USP7: variants seen among roughly 807,000 people sequenced by gnomAD.
The protein encoded by USP7 is ubiquitin specific peptidase 7, also known as ubiquitin C-terminal hydrolase 7.
Under a neutral mutation model 162.9 loss-of-function variants are expected in USP7, and 9 were observed. The observed-to-expected ratio is 0.06, with a 90% CI of 0.03 to 0.10. The LOEUF is 0.10. Among genes scored for constraint, USP7 ranks in the 10% least tolerant of loss-of-function variants. The pLI, the probability that USP7 is intolerant of heterozygous loss-of-function variation, is 1.00. For missense variants in USP7, 715 were observed against 1,373.7 expected, an observed-to-expected ratio of 0.52 and a Z score of 7.58; for synonymous variants, 562 against 475.9, an observed-to-expected ratio of 1.18 and a Z score of -2.35.
chr16:8,905,321 A>T lies in USP7; in HGVS notation c.1439T>A (p.Phe480Tyr). ...ACACCTTGACACCACGTCGTCATCAAATTTACACCACTGCAAGGAAAACAA... is the reference window on the plus strand; with the variant it reads ...ACACCTTGACACCACGTCGTCATCATATTTACACCACTGCAAGGAAAACAA... The part of the protein sequence containing the change: ...NPKGDGKWCK[F>Y]DDDVVSRCTK... Residue 480 changes from phenylalanine to tyrosine, a missense_variant, in exon 14 of 31, where the codon TTT (phenylalanine) becomes TAT (tyrosine). Physicochemically the swap from Phe to Tyr is conservative, Grantham distance 22. This residue lies in a region of USP7 where 31 missense variants were observed against 135.9 expected (regional missense o/e 0.23). Transcript: ENST00000344836. 6.2e-7 allele frequency: 1 copy of T among 1,614,082 alleles called. No homozygotes were observed. Among genetic ancestry groups the T allele is most frequent in the South Asian group, 1.1e-5 (1 of 91,084 alleles).
chr16:8,931,488 T>C (rs1481860145), intron 1 of USP7, among the ~76,000 whole-genome samples: 1 of 152,200 alleles, frequency 6.6e-6, no homozygotes, highest in Non-Finnish European at 1.5e-5. Context: ...TCTTAAAACA[T>C]CAAATCATCA....
chr16:8,910,902 T>C (rs1453795297), intron 10 of USP7, 75 bp from the exon 11 acceptor site: 1 of 1,210,708 alleles, frequency 8.3e-7, no homozygotes, highest in Non-Finnish European at 1.2e-6. Context: ...GTAAGTTATT[T>C]AAATCAGCAT....
chr16:8,937,948 T>C (rs1330553227), intron 1 of USP7, among the ~76,000 whole-genome samples: 1 of 152,138 alleles, frequency 6.6e-6, no homozygotes, highest in African/African-American at 2.4e-5. Flanking sequence ...TACCATCTGC[T>C]TAAGTATTTC....
intron 1 of USP7, among the ~76,000 whole-genome samples, chr16:8,934,080 C>T (rs1898540070): frequency 6.6e-6 from 1 of 152,132 alleles, no homozygotes; most frequent in Non-Finnish European, 1.5e-5. Flanking sequence ...AAGTAATTTG[C>T]TAGACGTACA....
At chr16:8,937,450 G>A (rs892936259) in intron 1 of USP7, among the ~76,000 whole-genome samples, 26 of 152,346 alleles carry the variant, frequency 1.7e-4, no homozygotes, top group Middle Eastern at 3.4e-3. Context: ...GCTGAGGCAG[G>A]AGAATCACTT....
intron 1 of USP7, among the ~76,000 whole-genome samples, chr16:8,935,432 A>C (rs566291796): frequency 2.0e-5 from 3 of 152,264 alleles, no homozygotes; most frequent in Admixed American, 2.0e-4. Flanking sequence ...GCTGGTCTCG[A>C]ACTCCTGACC....
At chr16:8,932,452 A>C (rs999491335) in intron 1 of USP7, among the ~76,000 whole-genome samples, 4 of 152,146 alleles carry the variant, frequency 2.6e-5, no homozygotes, top group Non-Finnish European at 5.9e-5. Context: ...ACATACTTCT[A>C]AACTAGTCCC....
At chr16:8,960,105 C>T (rs1475188961) in intron 1 of USP7, among the ~76,000 whole-genome samples, 1 of 152,238 alleles carries the variant, frequency 6.6e-6, no homozygotes, top group African/African-American at 2.4e-5. Context: ...ACTCCTTCAG[C>T]CCCTAGACTT....
intron 18 of USP7, among the ~76,000 whole-genome samples, chr16:8,901,571 A>G (rs2061775031): frequency 6.6e-6 from 1 of 152,092 alleles, no homozygotes; most frequent in African/African-American, 2.4e-5. Flanking sequence ...AAGATTGCGC[A>G]TGGTCTTGTG....
At chr16:8,929,590 A>G (rs781530613) in intron 2 of USP7, 2 of 455,912 alleles carry the variant, frequency 4.4e-6, no homozygotes, top group African/African-American at 4.0e-5. Context: ...ATGCTTTTTG[A>G]CAGAACATGG....
chr16:8,931,908 A>G (rs546642414), intron 1 of USP7, among the ~76,000 whole-genome samples: 67 of 152,308 alleles, frequency 4.4e-4, no homozygotes, highest in African/African-American at 1.5e-3. Flanking sequence ...TGCACTGGAC[A>G]CCAACAGAAA....
intron 1 of USP7, among the ~76,000 whole-genome samples, chr16:8,934,363 AGGGCTTGTTT>A (rs1319289942): frequency 6.6e-6 from 1 of 152,204 alleles, no homozygotes; most frequent in African/African-American, 2.4e-5. Flanking sequence ...AGCTCAAAGA[AGGGCTTGTTT>A]GGGTGACTTG....
In USP7 at chr16:8,892,251, C is replaced by T. The variant is rs2061609066; in HGVS notation, c.*1747G>A. 1.3e-5 allele frequency: 2 copies of T among 152,324 alleles called. No individual in the cohort carries two copies. The highest frequency in any genetic ancestry group is 4.1e-4 in the South Asian group (2 of 4,830). The allele number at this position is 152,324 out of a possible 1,614,324, so 9.4% of individuals were successfully genotyped here. A position where few individuals can be genotyped will look rare whatever the true frequency, so the allele number is the denominator to read the frequency against. On this transcript the variant is annotated 3_prime_UTR_variant, in exon 31 of 31. Transcript: ENST00000344836. ...AACGGCTCTCGCACCCCTGCTCTAACTCCTCTTTCTGGGGGAGGAAGGAGG... is the reference window on the plus strand; with the variant it reads ...AACGGCTCTCGCACCCCTGCTCTAATTCCTCTTTCTGGGGGAGGAAGGAGG...
In USP7 at chr16:8,901,352, A is replaced by G. The variant is rs141253787; in HGVS notation, c.2048-118T>C. On this transcript the variant is annotated intron_variant, in intron 18 of 30. Transcript: ENST00000344836. ...AAAAAACAGTAAGCTGAATAGCTCAATGACAAGTGAAATGACAGCTTAAGG... is the reference window on the plus strand; with the variant it reads ...AAAAAACAGTAAGCTGAATAGCTCAGTGACAAGTGAAATGACAGCTTAAGG... 28 of 697,878 alleles carry G rather than the reference A, an allele frequency of 4.0e-5. No individual in the cohort carries two copies. In the East Asian group the frequency reaches 7.2e-4, roughly 18 times the overall value. The allele number at this position is 697,878 out of a possible 1,614,324, so 43.2% of individuals were successfully genotyped here. A position where few individuals can be genotyped will look rare whatever the true frequency, so the allele number is the denominator to read the frequency against.
chr16:8,908,259 A>G (rs1163723942), intron 12 of USP7, 82 bp downstream of exon 12: 3 of 1,136,776 alleles, frequency 2.6e-6, no homozygotes, highest in South Asian at 2.5e-5. Context: ...CTGAAAATAT[A>G]AAGACTGAGG....
intron 17 of USP7, 28 bp from the exon 18 acceptor site, chr16:8,902,215 G>A: frequency 1.9e-6 from 3 of 1,610,216 alleles, no homozygotes; most frequent in Non-Finnish European, 2.5e-6. Context: ...GCTGATTTTA[G>A]AAGAGTCTAA....
At chr16:8,933,981 T>C (rs1271650367) in intron 1 of USP7, among the ~76,000 whole-genome samples, 1 of 152,088 alleles carries the variant, frequency 6.6e-6, no homozygotes, top group Non-Finnish European at 1.5e-5. Context: ...GGTCTCAAAC[T>C]CATGACCTCA....
rs188845037 is a variant in USP7 at position 8,909,523 on chromosome 16, C to T, written c.1162-1073G>A. Among the ~76,000 whole-genome samples the T allele has an allele frequency of 8.5e-5, 13 of 152,294 alleles. No homozygotes were observed. In the East Asian group the frequency reaches 2.5e-3, roughly 29 times the overall value. ...CTGTCTCCACCGCTGTCCACTGAGGCTTCGACTCAAATACATACTGCTCAA... is the reference window on the plus strand; with the variant it reads ...CTGTCTCCACCGCTGTCCACTGAGGTTTCGACTCAAATACATACTGCTCAA... On this transcript the variant is annotated intron_variant, in intron 11 of 30. Coordinates refer to ENST00000344836, the MANE Select transcript of USP7 (RefSeq NM_003470.3).
chr16:8,911,826 T>C (rs935118579), intron 10 of USP7, among the ~76,000 whole-genome samples: 9 of 152,130 alleles, frequency 5.9e-5, no homozygotes, highest in African/African-American at 7.2e-5. Context: ...GGAAATTACC[T>C]GGGGCAAGGA....
Sources: gnomAD v4.1 joint callset for allele counts (sites outside exome capture counted in the v4.1 genomes callset) on GRCh38, gnomAD v4.1.1 for gene constraint, gnomAD v4.1.1 regional missense constraint, MANE v1.5 for transcripts, NCBI Gene and HGNC (gene_info 2026-07-23, HGNC 2026-07-21) for gene names.